The following SYNE2 variants were observed in gnomAD, a reference collection of about 807,000 sequenced individuals.
The protein encoded by SYNE2 is spectrin repeat containing nuclear envelope protein 2.
SYNE2 carries 431 observed loss-of-function variants against 856.3 expected under a neutral mutation model. The ratio of observed to expected loss-of-function variants is 0.50; its 90% CI spans 0.47 to 0.55. The LOEUF (loss-of-function observed/expected upper bound fraction) is 0.55, where lower values mean the gene tolerates loss of function less well. Among genes scored for constraint, SYNE2 ranks in the 20% least tolerant of loss-of-function variants. SYNE2 has a pLI of 0.00. For missense variants in SYNE2, 8,129 were observed against 8,023.2 expected, an observed-to-expected ratio of 1.01 and a Z score of -0.50; for synonymous variants, 2,923 against 2,872.3, an observed-to-expected ratio of 1.02 and a Z score of -0.56.
At chr14:64,102,961 A>G (rs958180689) in intron 64 of SYNE2, among the ~76,000 whole-genome samples, 1 of 152,060 alleles carries the variant, frequency 6.6e-6, no homozygotes, top group African/African-American at 2.4e-5. Flanking sequence ...GTTCATCCAT[A>G]TTGTCACAAA....
chr14:64,032,996 C>G (rs1399631257), intron 45 of SYNE2, among the ~76,000 whole-genome samples: 3 of 151,384 alleles, frequency 2.0e-5, no homozygotes, highest in African/African-American at 7.3e-5. Context: ...AGGGAGATTT[C>G]ATCTCTACAA....
intron 65 of SYNE2, among the ~76,000 whole-genome samples, chr14:64,111,314 GATTA>G (rs1236010256): frequency 6.6e-6 from 1 of 152,056 alleles, no homozygotes; most frequent in Non-Finnish European, 1.5e-5. Flanking sequence ...GATTGTCTTA[GATTA>G]ATTAATATTA....
At chr14:64,126,268 A>G in intron 71 of SYNE2, 59 bp from the exon 72 acceptor site, 2 of 1,481,396 alleles carry the variant, frequency 1.4e-6, no homozygotes, top group Non-Finnish European at 9.4e-7. Context: ...TAGGCAAAAT[A>G]TAGGTCTAGG....
chr14:64,167,395 CATCCCT>C lies in SYNE2; in HGVS notation c.16760+9_16760+14del. Reference sequence around the variant, plus strand: ...GGCACTGGAGCGCTGCAGGTTAGAACATCCCTTCTCTGTCGTTGTTTCAATTAAGGT... The same window carrying C: ...GGCACTGGAGCGCTGCAGGTTAGAACTCTCTGTCGTTGTTTCAATTAAGGT... On this transcript the variant is annotated intron_variant, in intron 91 of 115. Coordinates refer to ENST00000555002, the MANE Select transcript of SYNE2 (RefSeq NM_182914.3). The C allele has an allele frequency of 6.2e-7, 1 of 1,614,238 alleles. No homozygotes were observed. The highest frequency in any genetic ancestry group is 1.1e-5 in the South Asian group (1 of 91,088).
chr14:63,970,334 G>A (rs1314118178), intron 11 of SYNE2, among the ~76,000 whole-genome samples: 1 of 152,092 alleles, frequency 6.6e-6, no homozygotes, highest in African/African-American at 2.4e-5. Flanking sequence ...GACAACTGGT[G>A]TGTGCCATCA....
At chr14:63,829,268 C>A (rs955748772) in intron 1 of SYNE2, among the ~76,000 whole-genome samples, 1 of 151,908 alleles carries the variant, frequency 6.6e-6, no homozygotes. Flanking sequence ...TTTTAAAAAA[C>A]GAGCTGGTTG....
intron 102 of SYNE2, 53 bp from the exon 103 acceptor site, chr14:64,209,889 G>C: frequency 6.2e-7 from 1 of 1,611,546 alleles, no homozygotes; most frequent in Non-Finnish European, 8.5e-7. Context: ...AAGGGAAGGA[G>C]GGCGTCCTGG....
At chr14:63,947,313 T>A (rs1442139382) in intron 6 of SYNE2, among the ~76,000 whole-genome samples, 1 of 152,244 alleles carries the variant, frequency 6.6e-6, no homozygotes, top group African/African-American at 2.4e-5. Context: ...ACACTTGAGA[T>A]GTGGCTAGTA....
chr14:64,020,548 T>C (rs1011367061), intron 35 of SYNE2, among the ~76,000 whole-genome samples: 1 of 152,238 alleles, frequency 6.6e-6, no homozygotes, highest in African/African-American at 2.4e-5. Flanking sequence ...AATGATATTA[T>C]ATTTTTGTAG....
chr14:64,182,642 C>T (rs1309675590), intron 96 of SYNE2, among the ~76,000 whole-genome samples: 1 of 152,156 alleles, frequency 6.6e-6, no homozygotes, highest in Non-Finnish European at 1.5e-5. Flanking sequence ...ACATCTTGCA[C>T]CGCCCTTAAT....
Position 64,214,488 on chromosome 14 carries a change from A to G in SYNE2, c.19333+18A>G, listed in dbSNP as rs2098656554. ...ACTGTCAGGTAACAGCTGGGTTCCC[A>G]GCACCCTGGAAAGTGACCCGTTTGG... On this transcript the variant is annotated intron_variant, in intron 106 of 115. Coordinates refer to ENST00000555002, the MANE Select transcript of SYNE2 (RefSeq NM_182914.3). 1.2e-6 allele frequency: 2 copies of G among 1,603,828 alleles called. No individual in the cohort carries two copies. Among genetic ancestry groups the G allele is most frequent in the South Asian group, 1.1e-5 (1 of 90,352 alleles).
chr14:64,101,278 T>A (rs1398950745), intron 63 of SYNE2, among the ~76,000 whole-genome samples: 1 of 152,218 alleles, frequency 6.6e-6, no homozygotes, highest in African/African-American at 2.4e-5. Context: ...CACATCCTCA[T>A]GACCACTTGT....
At chr14:63,983,264 T>G (rs575171271) in intron 17 of SYNE2, among the ~76,000 whole-genome samples, 2 of 152,386 alleles carry the variant, frequency 1.3e-5, no homozygotes, top group South Asian at 4.1e-4. Flanking sequence ...TTTGGGTTTT[T>G]ATGAACAATG....
chr14:63,944,042 A>G (rs2095973389), intron 6 of SYNE2, among the ~76,000 whole-genome samples: 1 of 150,172 alleles, frequency 6.7e-6, no homozygotes, highest in Admixed American at 6.6e-5. Context: ...ATGGTCATTT[A>G]TTATTTTTTC....
At position 64,209,990 on chromosome 14, in the gene SYNE2, A is replaced by G. The variant is rs2098631555; in HGVS notation, c.18589A>G (p.Asn6197Asp). 1 of 1,613,992 alleles carries G rather than the reference A, an allele frequency of 6.2e-7. No homozygotes were observed. The highest frequency in any genetic ancestry group is 8.5e-7 in the Non-Finnish European group (1 of 1,180,014). Reference protein sequence around the residue: ...HERLTQLELINKQYRRLAREN... With the variant: ...HERLTQLELIDKQYRRLAREN... The stretch of plus-strand genomic sequence containing the variant: ...GCGGCTCACTCAGCTGGAGCTCATC[A>G]ACAAGCAGTACCGGCGGCTGGCCCG... Residue 6197 changes from asparagine (N) to aspartate (D), a missense_variant, in exon 103 of 116, where the codon AAC (asparagine) becomes GAC (aspartate). Asn to Asp is a conservative substitution (Grantham distance 23, BLOSUM62 1). Around this residue, in one of 3 missense-constraint regions of SYNE2, gnomAD observed 5,410 missense variants for 5,284.8 expected, o/e 1.02. Transcript: ENST00000555002.
chr14:63,836,652 C>T (rs1389052471), intron 1 of SYNE2, among the ~76,000 whole-genome samples: 2 of 152,192 alleles, frequency 1.3e-5, no homozygotes, highest in Non-Finnish European at 2.9e-5. Flanking sequence ...ACCGTTCCCA[C>T]TACCACCACC....
At position 64,056,281 on chromosome 14, in the gene SYNE2, A is replaced by G; in HGVS notation, c.10067+15A>G. The G allele has an allele frequency of 6.2e-7, 1 of 1,603,382 alleles. No individual in the cohort carries two copies. The highest frequency in any genetic ancestry group is 1.1e-5 in the South Asian group (1 of 90,458). The stretch of plus-strand genomic sequence containing the variant: ...GAGGCAGAAAGGTAGGTCCTCTTCC[A>G]AAGGTAATCTTTAAGAACATAAAAT... On this transcript the variant is annotated intron_variant, in intron 49 of 115. Transcript: ENST00000555002.
Position 64,016,462 on chromosome 14 carries a change from CT to C in SYNE2, c.4729-5del. The C allele has an allele frequency of 6.5e-7, 1 of 1,538,950 alleles. No individual in the cohort carries two copies. The highest frequency in any genetic ancestry group is 8.9e-7 in the Non-Finnish European group (1 of 1,125,304). ...AAAATATCAGAAATAACTTTCATAT[CT>C]TTTTTACAGATTGAAATTGTCAAAG... On this transcript the variant is annotated splice_polypyrimidine_tract_variant and intron_variant, in intron 32 of 115. Transcript: ENST00000555002.
chr14:63,894,472 G>A (rs964952849), intron 1 of SYNE2, among the ~76,000 whole-genome samples: 16 of 151,968 alleles, frequency 1.1e-4, no homozygotes, highest in Admixed American at 4.6e-4. Flanking sequence ...TCCTCCTGCC[G>A]TGGCCTCCAA....
Sources: gnomAD v4.1 joint callset for allele counts (sites outside exome capture counted in the v4.1 genomes callset) on GRCh38, gnomAD v4.1.1 for gene constraint, gnomAD v4.1.1 regional missense constraint, MANE v1.5 for transcripts, NCBI Gene and HGNC (gene_info 2026-07-23, HGNC 2026-07-21) for gene names.